The following TMTC2 variants were observed in gnomAD, a reference collection of about 807,000 sequenced individuals.
The protein encoded by TMTC2 is transmembrane O-mannosyltransferase targeting cadherins 2.
Under a neutral mutation model 82.4 loss-of-function variants are expected in TMTC2, and 43 were observed. That is an observed-to-expected ratio of 0.52 (90% CI 0.41 to 0.67). The LOEUF is 0.67. Ranked by LOEUF, TMTC2 falls within the 30% of genes least tolerant of loss-of-function variation. The pLI is 0.00. For missense variants in TMTC2, 919 were observed against 1,012.4 expected (o/e 0.91, Z 1.25); for synonymous variants, 408 against 381.9 (o/e 1.07, Z -0.80).
intron 3 of TMTC2, among the ~76,000 whole-genome samples, chr12:82,915,406 C>T (rs1323550401): frequency 6.6e-6 from 1 of 152,146 alleles, no homozygotes; most frequent in African/African-American, 2.4e-5. Context: ...AAGTAATTTA[C>T]TTGGTTGTAC....
rs1433405176 is a variant in TMTC2, at chr12:83,047,737, TC to T, written c.2153-3165del. 2.6e-5 allele frequency among the ~76,000 whole-genome samples: 4 copies of T among 152,248 alleles called. No homozygotes were observed. In the East Asian group the frequency reaches 5.8e-4, roughly 22 times the overall value. ...ATTTACCCTACTAAAAATTATATGT[TC>T]CATGTAGTTTTTGGAAATTGTTTAC... On this transcript the variant is annotated intron_variant, in intron 9 of 11. Transcript: ENST00000321196.
intron 1 of TMTC2, among the ~76,000 whole-genome samples, chr12:82,735,712 G>A (rs931337978): frequency 2.0e-5 from 3 of 151,616 alleles, no homozygotes; most frequent in African/African-American, 7.3e-5. Flanking sequence ...CACGCCTGTA[G>A]TCTCAGCACC....
At chr12:83,048,242 A>G (rs1010356060) in intron 9 of TMTC2, among the ~76,000 whole-genome samples, 1 of 152,184 alleles carries the variant, frequency 6.6e-6, no homozygotes, top group African/African-American at 2.4e-5. Flanking sequence ...AGGAGATAAG[A>G]ATATTTCATT....
At chr12:82,970,150 T>C (rs1006594532) in intron 7 of TMTC2, among the ~76,000 whole-genome samples, 42 of 152,220 alleles carry the variant, frequency 2.8e-4, no homozygotes, top group Admixed American at 7.2e-4. Context: ...ACTTTCTCCC[T>C]GAGCATCCTT....
At chr12:83,111,771 A>G (rs1268481287) in intron 11 of TMTC2, among the ~76,000 whole-genome samples, 5 of 152,182 alleles carry the variant, frequency 3.3e-5, no homozygotes, top group Non-Finnish European at 7.3e-5. Context: ...GAGTGAGTGA[A>G]TAAATTACAT....
intron 9 of TMTC2, among the ~76,000 whole-genome samples, chr12:83,032,743 T>C (rs1325309610): frequency 6.6e-6 from 1 of 151,896 alleles, no homozygotes. Flanking sequence ...TTATTTTTAG[T>C]AGAGATAGGG....
chr12:82,780,398 T>C (rs1415421923), intron 1 of TMTC2, among the ~76,000 whole-genome samples: 3 of 152,190 alleles, frequency 2.0e-5, no homozygotes, highest in South Asian at 4.1e-4. Flanking sequence ...TTCCCTAAAA[T>C]ATCAGACCCA....
intron 7 of TMTC2, among the ~76,000 whole-genome samples, chr12:82,973,745 A>C (rs1048405509): frequency 6.6e-6 from 1 of 152,222 alleles, no homozygotes; most frequent in Non-Finnish European, 1.5e-5. Context: ...ACCCAGGGCC[A>C]GAAGATATAT....
At chr12:83,114,893 A>T (rs1177559199) in intron 11 of TMTC2, among the ~76,000 whole-genome samples, 2 of 151,662 alleles carry the variant, frequency 1.3e-5, no homozygotes, top group African/African-American at 2.4e-5. Flanking sequence ...GTGTATATTT[A>T]TATATATAAA....
chr12:82,898,493 G>A (rs1295352033), intron 3 of TMTC2, among the ~76,000 whole-genome samples: 2 of 152,162 alleles, frequency 1.3e-5, no homozygotes, highest in African/African-American at 4.8e-5. Flanking sequence ...CAAGACAAAA[G>A]TGGCTTAAGT....
At position 82,790,885 on chromosome 12, in the gene TMTC2, C is replaced by T. The variant is rs143372441; in HGVS notation, c.84-66125C>T. On this transcript the variant is annotated intron_variant, in intron 1 of 11. Coordinates refer to ENST00000321196, the MANE Select transcript of TMTC2 (RefSeq NM_152588.3). Reference sequence around the variant, plus strand: ...AAAAAATTCTTCTTTTGCTTACCTCCCTGCCTCTTTCCCTTTAAAAAAGAA... The same window carrying T: ...AAAAAATTCTTCTTTTGCTTACCTCTCTGCCTCTTTCCCTTTAAAAAAGAA... Among the ~76,000 whole-genome samples the T allele has an allele frequency of 9.0e-3, 1,370 of 151,866 alleles. 16 individuals are homozygous for T. Among genetic ancestry groups the T allele is most frequent in the African/African-American group, 0.032 (1,318 of 41,484 alleles).
chr12:82,766,628 A>G (rs1876976660), intron 1 of TMTC2, among the ~76,000 whole-genome samples: 1 of 152,220 alleles, frequency 6.6e-6, no homozygotes, highest in Admixed American at 6.5e-5. Context: ...ATCAAGTCCG[A>G]CGAAAATGCC....
intron 1 of TMTC2, among the ~76,000 whole-genome samples, chr12:82,775,791 AGTAAAT>A (rs1877561878): frequency 6.6e-6 from 1 of 152,126 alleles, no homozygotes; most frequent in Non-Finnish European, 1.5e-5. Flanking sequence ...TGGTAGGGAA[AGTAAAT>A]GTACCAACCC....
intron 4 of TMTC2, among the ~76,000 whole-genome samples, chr12:82,953,699 A>G (rs1282923265): frequency 6.6e-6 from 1 of 152,188 alleles, no homozygotes; most frequent in African/African-American, 2.4e-5. Flanking sequence ...TAAATAAGCA[A>G]ATTTGATTAG....
chr12:83,019,565 A>T (rs1880823239), intron 8 of TMTC2, among the ~76,000 whole-genome samples: 1 of 152,146 alleles, frequency 6.6e-6, no homozygotes, highest in African/African-American at 2.4e-5. Context: ...GCCAATCTCA[A>T]CAATTCTCAA....
Position 83,132,707 on chromosome 12 carries a change from C to G in TMTC2, c.*318C>G, listed in dbSNP as rs1002074282. ...GTAAGTCACAGATTTTGTTCATTTTCTGAAAGCTAATTTCAAAATTATGTT... is the reference window on the plus strand; with the variant it reads ...GTAAGTCACAGATTTTGTTCATTTTGTGAAAGCTAATTTCAAAATTATGTT... On this transcript the variant is annotated 3_prime_UTR_variant, in exon 12 of 12. Coordinates refer to ENST00000321196, the MANE Select transcript of TMTC2 (RefSeq NM_152588.3). The G allele has an allele frequency of 3.7e-6, 1 of 272,366 alleles. No homozygotes were observed. The highest frequency in any genetic ancestry group is 6.8e-6 in the Non-Finnish European group (1 of 146,992). 16.9% of individuals were successfully genotyped at this position (272,366 alleles called of 1,614,324 possible).
chr12:82,874,696 A>C (rs1872389688), intron 2 of TMTC2, among the ~76,000 whole-genome samples: 1 of 152,132 alleles, frequency 6.6e-6, no homozygotes, highest in Non-Finnish European at 1.5e-5. Flanking sequence ...AAATACAGTT[A>C]ATACTTGATT....
At chr12:83,001,343 T>G (rs1369100383) in intron 8 of TMTC2, among the ~76,000 whole-genome samples, 2 of 152,130 alleles carry the variant, frequency 1.3e-5, no homozygotes, top group African/African-American at 4.8e-5. Flanking sequence ...CTTAGAAATG[T>G]CTTCCACCTT....
At chr12:83,085,164 G>A (rs1883609474) in intron 11 of TMTC2, among the ~76,000 whole-genome samples, 1 of 152,132 alleles carries the variant, frequency 6.6e-6, no homozygotes, top group African/African-American at 2.4e-5. Flanking sequence ...TTTGTTCTGT[G>A]AGTCCCTTTG....
Sources: gnomAD v4.1 joint callset for allele counts (sites outside exome capture counted in the v4.1 genomes callset) on GRCh38, gnomAD v4.1.1 for gene constraint, MANE v1.5 for transcripts, NCBI Gene and HGNC (gene_info 2026-07-23, HGNC 2026-07-21) for gene names.